NDST4: variants seen among roughly 807,000 people sequenced by gnomAD.
NDST4 encodes the protein N-heparan sulfate sulfotransferase 4.
Under a neutral mutation model 100.8 loss-of-function variants are expected in NDST4, and 63 were observed. That is an observed-to-expected ratio of 0.62 (90% CI 0.51 to 0.77). The LOEUF (loss-of-function observed/expected upper bound fraction) is 0.77, where lower values mean the gene tolerates loss of function less well. NDST4 is among the 30% of genes least tolerant of loss of function. The pLI is 0.00. For missense variants in NDST4, 943 were observed against 1,018.4 expected (o/e 0.93, Z 1.01); for synonymous variants, 377 against 361.8 (o/e 1.04, Z -0.48).
chr4:115,098,037 C>T (rs1249013843), intron 1 of NDST4, among the ~76,000 whole-genome samples: 3 of 152,172 alleles, frequency 2.0e-5, no homozygotes, highest in Non-Finnish European at 4.4e-5. Context: ...TCCCTCCTTA[C>T]ACTTCCTAAA....
At chr4:114,993,323 C>A in intron 2 of NDST4, among the ~76,000 whole-genome samples, 1 of 151,788 alleles carries the variant, frequency 6.6e-6, no homozygotes, top group East Asian at 1.9e-4. Context: ...TTGTGCATTT[C>A]TTCATGTATC....
intron 1 of NDST4, among the ~76,000 whole-genome samples, chr4:115,088,319 A>ATTT (rs758614668): frequency 3.7e-5 from 5 of 135,094 alleles, no homozygotes; most frequent in African/African-American, 1.1e-4. Flanking sequence ...TTCTAAAGTT[A>ATTT]ATTTTTTTTT....
chr4:115,047,731 T>C (rs1027135603), intron 2 of NDST4, among the ~76,000 whole-genome samples: 1 of 152,046 alleles, frequency 6.6e-6, no homozygotes, highest in East Asian at 1.9e-4. Flanking sequence ...GGCAGATAAA[T>C]TGAAGAAGTT....
chr4:114,941,984 CAG>C (rs762309293), intron 4 of NDST4, among the ~76,000 whole-genome samples: 2 of 152,094 alleles, frequency 1.3e-5, no homozygotes, highest in African/African-American at 2.4e-5. Flanking sequence ...TCTAAGAAAA[CAG>C]AGGAAAAATT....
chr4:115,002,929 G>T (rs1038988052), intron 2 of NDST4, among the ~76,000 whole-genome samples: 14 of 152,076 alleles, frequency 9.2e-5, no homozygotes, highest in Admixed American at 2.0e-4. Context: ...TTCTTTTCAG[G>T]GACATGGATG....
chr4:114,860,022 A>G (rs546240819), intron 7 of NDST4, among the ~76,000 whole-genome samples: 1 of 152,338 alleles, frequency 6.6e-6, no homozygotes, highest in South Asian at 2.1e-4. Context: ...TCATTGGAAC[A>G]AGGCTGAAGT....
At chr4:114,915,702 T>C (rs1375056574) in intron 6 of NDST4, among the ~76,000 whole-genome samples, 1 of 152,156 alleles carries the variant, frequency 6.6e-6, no homozygotes, top group African/African-American at 2.4e-5. Flanking sequence ...ATCACTTTTA[T>C]TATAAATGCC....
intron 2 of NDST4, among the ~76,000 whole-genome samples, chr4:115,019,135 T>C (rs1172936548): frequency 6.6e-6 from 1 of 152,100 alleles, no homozygotes; most frequent in Non-Finnish European, 1.5e-5. Context: ...TTAACTAATA[T>C]AATACTTGGC....
intron 2 of NDST4, among the ~76,000 whole-genome samples, chr4:115,022,579 C>T (rs1022729247): frequency 1.2e-4 from 18 of 149,112 alleles, no homozygotes; most frequent in African/African-American, 4.0e-4. Flanking sequence ...TTCGCAGCAA[C>T]GTGGATGAGA....
intron 6 of NDST4, among the ~76,000 whole-genome samples, chr4:114,901,913 C>T (rs1256841887): frequency 2.0e-5 from 3 of 151,742 alleles, no homozygotes; most frequent in South Asian, 2.1e-4. Context: ...TTGCAAATAG[C>T]ATTATACTGC....
chr4:115,099,314 G>A (rs537370657), intron 1 of NDST4, among the ~76,000 whole-genome samples: 7 of 151,926 alleles, frequency 4.6e-5, no homozygotes, highest in East Asian at 1.9e-4. Context: ...GAATTGATAC[G>A]TTTAACATTA....
chr4:115,070,681 T>A (rs995623775), intron 2 of NDST4, among the ~76,000 whole-genome samples: 4 of 152,120 alleles, frequency 2.6e-5, no homozygotes, highest in African/African-American at 9.7e-5. Context: ...CTCAGTAGCA[T>A]TGGTTGGAGA....
intron 7 of NDST4, among the ~76,000 whole-genome samples, chr4:114,858,661 C>A (rs1356310457): frequency 6.6e-6 from 1 of 152,128 alleles, no homozygotes; most frequent in African/African-American, 2.4e-5. Context: ...TACCCTTTGT[C>A]CAAAGAGTTG....
Position 115,076,821 on chromosome 4 carries a change from G to A in NDST4, c.216C>T (p.Asp72=). The A allele has an allele frequency of 6.2e-7, 1 of 1,613,910 alleles. No homozygotes were observed. Among genetic ancestry groups the A allele is most frequent in the Non-Finnish European group, 8.5e-7 (1 of 1,179,888 alleles). Residue 72 remains aspartate, a synonymous_variant, in exon 2 of 14, where the codon GAC becomes GAT. Transcript: ENST00000264363. ...SMELKTVKPI[D]TSKTDPTVLL... is the part of the protein sequence containing the mutation. Reference sequence around the variant, plus strand: ...GGACAGTAGGGTCCGTTTTGGATGTGTCAATAGGTTTAACTGTTTTCAGCT... The same window carrying A: ...GGACAGTAGGGTCCGTTTTGGATGTATCAATAGGTTTAACTGTTTTCAGCT...
At chr4:115,049,534 T>C (rs1218760286) in intron 2 of NDST4, among the ~76,000 whole-genome samples, 3 of 152,152 alleles carry the variant, frequency 2.0e-5, no homozygotes, top group Admixed American at 1.3e-4. Context: ...GGTAAAAAAG[T>C]AATCACTTTA....
chr4:114,836,413 A>T (rs1321614956), intron 11 of NDST4, among the ~76,000 whole-genome samples: 1 of 152,076 alleles, frequency 6.6e-6, no homozygotes, highest in Non-Finnish European at 1.5e-5. Flanking sequence ...TCTGTTTGAA[A>T]ATTCTTTTCT....
chr4:114,944,418 T>C lies in NDST4; in HGVS notation c.1222-6915A>G, dbSNP rs540455547. 4.9e-4 allele frequency among the ~76,000 whole-genome samples: 75 copies of C among 152,276 alleles called. 1 individual carries two copies. In the South Asian group the frequency reaches 0.015, roughly 30 times the overall value. On this transcript the variant is annotated intron_variant, in intron 4 of 13. Transcript: ENST00000264363. ...GATGATCTTTTTTCGCCTCTTCCCC[T>C]TCAAACTTTGGGATTTCACAGCTCA...
At chr4:114,851,648 T>C (rs1723678269) in intron 8 of NDST4, among the ~76,000 whole-genome samples, 1 of 152,224 alleles carries the variant, frequency 6.6e-6, no homozygotes. Context: ...TTTATTTCTT[T>C]AGTAGTCACT....
intron 1 of NDST4, among the ~76,000 whole-genome samples, chr4:115,100,974 G>A (rs898134323): frequency 1.3e-5 from 2 of 151,336 alleles, no homozygotes; most frequent in Non-Finnish European, 2.9e-5. Flanking sequence ...ATTTTCATAT[G>A]AATTATTTTT....
Sources: allele counts gnomAD v4.1 joint callset (sites outside exome capture counted in the v4.1 genomes callset), GRCh38; gene constraint gnomAD v4.1.1; transcripts MANE v1.5; gene names NCBI Gene and HGNC (gene_info 2026-07-23, HGNC 2026-07-21).